The following SESN2 variants were observed in gnomAD, a reference collection of about 807,000 sequenced individuals.
The protein encoded by SESN2 is sestrin-2.
Under a neutral mutation model 56.0 loss-of-function variants are expected in SESN2, and 42 were observed. The ratio of observed to expected loss-of-function variants is 0.75; its 90% CI spans 0.59 to 0.97. The LOEUF is 0.97. SESN2 is among the 50% of genes least tolerant of loss of function. The pLI, the probability that SESN2 is intolerant of heterozygous loss-of-function variation, is 0.00. For missense variants in SESN2, 507 were observed against 649.4 expected (o/e 0.78, Z 2.38); for synonymous variants, 264 against 267.1 (o/e 0.99, Z 0.11).
chr1:28,267,987 C>T (rs1647617765), intron 1 of SESN2, among the ~76,000 whole-genome samples: 1 of 152,086 alleles, frequency 6.6e-6, no homozygotes, highest in Non-Finnish European at 1.5e-5. Flanking sequence ...AGGTGAGGGC[C>T]AGAAAAAGGT....
In SESN2 at chr1:28,272,660, C is replaced by A; in HGVS notation, c.617C>A (p.Ser206Ter). 1 of 1,614,138 alleles carries A rather than the reference C, an allele frequency of 6.2e-7. No homozygotes were observed. Among genetic ancestry groups the A allele is most frequent in the Non-Finnish European group, 8.5e-7 (1 of 1,180,010 alleles). ...QALVLLTHCH[S>*]LSSFVFGCGI... is the part of the protein sequence containing the mutation. ...CTGGTCCTGCTCACCCACTGCCACT[C>A]GCTCTCCTCCTTCGTGTTTGGCTGT... Residue 206 changes from serine (S) to a stop codon, truncating the protein, a stop_gained, in exon 5 of 10, where the codon TCG (serine) becomes TAG (stop). Coordinates refer to ENST00000253063, the MANE Select transcript of SESN2 (RefSeq NM_031459.5). LOFTEE classifies it high-confidence loss of function.
At chr1:28,275,495 CTGTAATCCCAGCACT>C (rs1648002862) in intron 8 of SESN2, among the ~76,000 whole-genome samples, 1 of 152,208 alleles carries the variant, frequency 6.6e-6, no homozygotes, top group Non-Finnish European at 1.5e-5. Context: ...TGGCTCATGC[CTGTAATCCCAGCACT>C]TTGGGAGGCC....
At chr1:28,271,575 T>C (rs1381274232) in intron 2 of SESN2, 99 bp from the exon 3 acceptor site, 1 of 852,210 alleles carries the variant, frequency 1.2e-6, no homozygotes, top group African/African-American at 1.7e-5. Context: ...TGGTGGTTTT[T>C]AGTTTCTTGC....
chr1:28,276,570 C>CTTTT lies in SESN2; in HGVS notation c.1211+1578_1211+1581dup, dbSNP rs57474365. On this transcript the variant is annotated intron_variant, in intron 8 of 9. Coordinates refer to ENST00000253063, the MANE Select transcript of SESN2 (RefSeq NM_031459.5). ...TATCTCCTTCCTGTCTTTTTCTTTC[C>CTTTT]TTTTTTTTTTTTTTTTTTTTTTTTT... Among the ~76,000 whole-genome samples the CTTTT allele has an allele frequency of 1.9e-3, 182 of 94,736 alleles. 20 individuals carry two copies. The highest frequency in any genetic ancestry group is 7.8e-3 in the African/African-American group (168 of 21,582). The allele number at this position is 94,736 out of a possible 152,430, so 62.2% of individuals were successfully genotyped here. A position where few individuals can be genotyped will look rare whatever the true frequency, so the allele number is the denominator to read the frequency against.
rs766661062 is a variant in SESN2 at position 28,280,819 on chromosome 1, G to C, written c.*17G>C. 2 of 1,603,794 alleles carry C rather than the reference G, an allele frequency of 1.2e-6. No individual in the cohort carries two copies. The highest frequency in any genetic ancestry group is 2.2e-5 in the South Asian group (2 of 90,910). On this transcript the variant is annotated 3_prime_UTR_variant, in exon 10 of 10. Transcript: ENST00000253063. ...ATGACCTGACTCCTGAGCAGGACCT[G>C]GGCCCGGTTCAGCTCCCCACAAGGA...
In SESN2 at chr1:28,281,225, C is replaced by T. The variant is rs992941145; in HGVS notation, c.*423C>T. On this transcript the variant is annotated 3_prime_UTR_variant, in exon 10 of 10. Transcript: ENST00000253063. The stretch of plus-strand genomic sequence containing the variant: ...GACACTCCAGGCAGCTTTGCCTTCT[C>T]TCCCCTGTCATTTCCAGATTTCATT... The T allele has an allele frequency of 1.8e-5, 3 of 165,248 alleles. No individual in the cohort carries two copies. The highest frequency in any genetic ancestry group is 1.8e-4 in the East Asian group (1 of 5,606). The allele number at this position is 165,248 out of a possible 1,614,324, so 10.2% of individuals were successfully genotyped here.
intron 1 of SESN2, 67 bp from the exon 2 acceptor site, chr1:28,269,116 C>A: frequency 1.7e-6 from 2 of 1,168,812 alleles, no homozygotes; most frequent in Non-Finnish European, 2.5e-6. Context: ...GAGGAAGAGG[C>A]TGGATAGGTA....
chr1:28,260,841 A>G (rs1188298751), intron 1 of SESN2, among the ~76,000 whole-genome samples: 1 of 152,016 alleles, frequency 6.6e-6, no homozygotes, highest in Non-Finnish European at 1.5e-5. Context: ...ACATCTTATC[A>G]TTTATTATGC....
intron 8 of SESN2, among the ~76,000 whole-genome samples, chr1:28,276,973 C>T (rs1394135381): frequency 1.3e-5 from 2 of 149,684 alleles, no homozygotes; most frequent in Admixed American, 6.7e-5. Flanking sequence ...GTGGCTCAAT[C>T]TCTGCTCACT....
At chr1:28,262,583 C>G (rs775217969) in intron 1 of SESN2, among the ~76,000 whole-genome samples, 7 of 142,650 alleles carry the variant, frequency 4.9e-5, no homozygotes, top group Non-Finnish European at 1.1e-4. Context: ...GATCATGCCA[C>G]TGCACTCCAG....
chr1:28,271,426 T>G (rs141084613), intron 2 of SESN2, among the ~76,000 whole-genome samples: 20 of 152,368 alleles, frequency 1.3e-4, no homozygotes, highest in African/African-American at 4.8e-4. Context: ...TAAGTTAAAA[T>G]ATGCATTCTT....
At chr1:28,263,465 C>T (rs1301820263) in intron 1 of SESN2, among the ~76,000 whole-genome samples, 1 of 152,114 alleles carries the variant, frequency 6.6e-6, no homozygotes, top group Non-Finnish European at 1.5e-5. Context: ...AGGCATAAAC[C>T]CAGGAAAATA....
At chr1:28,272,189 A>G (rs1647801644) in intron 3 of SESN2, 95 bp from the exon 4 acceptor site, 1 of 1,282,454 alleles carries the variant, frequency 7.8e-7, no homozygotes. Flanking sequence ...CTTGGGGAAC[A>G]GTGAGCCCTA....
chr1:28,269,793 G>GT (rs1647694331), intron 2 of SESN2, among the ~76,000 whole-genome samples: 1 of 151,606 alleles, frequency 6.6e-6, no homozygotes, highest in Non-Finnish European at 1.5e-5. Context: ...TTTTTGTTTT[G>GT]TTTTTCACTT....
At position 28,274,976 on chromosome 1, in the gene SESN2, G is replaced by C. The variant is rs1307982121; in HGVS notation, c.1172G>C (p.Arg391Thr). The C allele has an allele frequency of 1.2e-6, 2 of 1,613,996 alleles. No individual in the cohort carries two copies. Among genetic ancestry groups the C allele is most frequent in the Non-Finnish European group, 1.7e-6 (2 of 1,179,958 alleles). ...HSGVDTSVLRRAIWNYIHCVF... is the reference protein window; with the variant it reads ...HSGVDTSVLRTAIWNYIHCVF... ...GGTGTGGACACCTCCGTGCTCCGCAGGGCCATCTGGAACTATATCCACTGC... is the reference window on the plus strand; with the variant it reads ...GGTGTGGACACCTCCGTGCTCCGCACGGCCATCTGGAACTATATCCACTGC... Residue 391 changes from arginine to threonine, a missense_variant, in exon 8 of 10, where the codon AGG (arginine) becomes ACG (threonine). Physicochemically the swap from Arg to Thr is moderately conservative, Grantham distance 71 (BLOSUM62 -1). Transcript: ENST00000253063.
At chr1:28,275,107 T>G in intron 8 of SESN2, 92 bp downstream of exon 8, 1 of 935,380 alleles carries the variant, frequency 1.1e-6, no homozygotes, top group Non-Finnish European at 1.5e-6. Flanking sequence ...TGTTTTTTTC[T>G]TTTCCTTTCT....
chr1:28,279,497 A>ATC (rs1648160911), intron 9 of SESN2, among the ~76,000 whole-genome samples: 1 of 151,744 alleles, frequency 6.6e-6, no homozygotes, highest in Admixed American at 6.6e-5. Context: ...TCATAACACT[A>ATC]TCTCTTGATA....
chr1:28,279,367 A>T (rs1321821151), intron 9 of SESN2, 126 bp downstream of exon 9: 1 of 867,062 alleles, frequency 1.2e-6, no homozygotes, highest in African/African-American at 1.7e-5. Context: ...ACCTGGGCCT[A>T]TTCCTCTGGA....
chr1:28,267,730 T>C (rs868367664), intron 1 of SESN2, among the ~76,000 whole-genome samples: 2 of 152,288 alleles, frequency 1.3e-5, no homozygotes, highest in Middle Eastern at 3.4e-3. Context: ...ATGTAGTGAG[T>C]ACCTGATATT....
Sources: gnomAD v4.1 joint callset for allele counts (sites outside exome capture counted in the v4.1 genomes callset) on GRCh38, gnomAD v4.1.1 for gene constraint, MANE v1.5 for transcripts, NCBI Gene and HGNC (gene_info 2026-07-23, HGNC 2026-07-21) for gene names.